The following WDPCP variants were observed in gnomAD, a reference collection of about 807,000 sequenced individuals.
WDPCP encodes WD repeat-containing and planar cell polarity effector protein fritz homolog.
Under a neutral mutation model 93.1 loss-of-function variants are expected in WDPCP, and 71 were observed. The ratio of observed to expected loss-of-function variants is 0.76; its 90% confidence interval spans 0.63 to 0.93. The LOEUF (loss-of-function observed/expected upper bound fraction) is 0.93, where lower values mean the gene tolerates loss of function less well. WDPCP is among the 40% of genes least tolerant of loss of function. The probability of loss-of-function intolerance (pLI) is 0.00; values close to 1 mark genes in which losing one functional copy is unlikely to be tolerated. For synonymous variants in WDPCP, 315 were observed against 315.0 expected, an observed-to-expected ratio of 1.00 and a Z score of 0.00; for missense variants, 844 against 887.4, an observed-to-expected ratio of 0.95 and a Z score of 0.62.
intron 14 of WDPCP, among the ~76,000 whole-genome samples, chr2:63,175,553 T>C (rs777449188): frequency 6.6e-6 from 1 of 152,204 alleles, no homozygotes; most frequent in Non-Finnish European, 1.5e-5. Context: ...AACTTTTTTG[T>C]CTTGCAAAAC....
In WDPCP at chr2:63,484,595, T is replaced by C; in HGVS notation, c.384+9A>G. 6.2e-7 allele frequency: 1 copy of C among 1,612,716 alleles called. No individual in the cohort carries two copies. The highest frequency in any genetic ancestry group is 8.5e-7 in the Non-Finnish European group (1 of 1,179,106). On this transcript the variant is annotated intron_variant, in intron 6 of 17. Transcript: ENST00000272321. ...TTAAACACTGCAAAGGCTTGTCAAATCATTTTACCTGACAGACATATTTGT... is the reference window on the plus strand; with the variant it reads ...TTAAACACTGCAAAGGCTTGTCAAACCATTTTACCTGACAGACATATTTGT...
chr2:63,799,630 G>A (rs527463444), intron 2 of WDPCP, among the ~76,000 whole-genome samples: 1 of 152,202 alleles, frequency 6.6e-6, no homozygotes, highest in East Asian at 1.9e-4. Flanking sequence ...AAATATTTTA[G>A]GTCTCATGGG....
chr2:63,263,078 G>A (rs980875406), intron 13 of WDPCP, among the ~76,000 whole-genome samples: 1 of 152,118 alleles, frequency 6.6e-6, no homozygotes, highest in Non-Finnish European at 1.5e-5. Flanking sequence ...ATGCATTCAA[G>A]AGTATATCTC....
At chr2:63,392,336 T>G (rs1298390830) in intron 10 of WDPCP, among the ~76,000 whole-genome samples, 1 of 152,140 alleles carries the variant, frequency 6.6e-6, no homozygotes, top group South Asian at 2.1e-4. Flanking sequence ...TAGCCATAGG[T>G]AGAAAACTGA....
At position 63,825,997 on chromosome 2, in the gene WDPCP, T is replaced by A. The variant is rs4267496; in HGVS notation, n.222+1625A>T. ...GTTACAGTCCTGCATTATCTTTTTT[T>A]AAAAAAATTAAAACACATCAACAAA... On this transcript the variant is annotated intron_variant and non_coding_transcript_variant, in intron 1 of 4. Coordinates refer to the WDPCP transcript ENST00000467687. 7.0e-3 allele frequency among the ~76,000 whole-genome samples: 1,066 copies of A among 152,182 alleles called. 43 individuals are homozygous for A. The East Asian group carries it at 0.11, about 16-fold the overall frequency.
chr2:63,135,363 G>A (rs1309263979), intron 17 of WDPCP, among the ~76,000 whole-genome samples: 1 of 152,182 alleles, frequency 6.6e-6, no homozygotes, highest in Non-Finnish European at 1.5e-5. Flanking sequence ...ATGCAGTCTT[G>A]CTCTATTGTC....
At chr2:63,485,387 G>A (rs1575507228) in intron 4 of WDPCP, among the ~76,000 whole-genome samples, 1 of 144,782 alleles carries the variant, frequency 6.9e-6, no homozygotes, top group Non-Finnish European at 1.5e-5. Context: ...ATTATCATGA[G>A]TAAATGAATA....
At chr2:63,438,016 G>T (rs1369500024) in intron 7 of WDPCP, 1 of 1,284,362 alleles carries the variant, frequency 7.8e-7, no homozygotes, top group Non-Finnish European at 9.9e-7. Context: ...TTTCATCAGT[G>T]AATCTTCTTT....
Position 63,451,807 on chromosome 2 carries a change from C to A in WDPCP, c.385-11936G>T, listed in dbSNP as rs570733179. Among the ~76,000 whole-genome samples, 4 of 152,116 alleles carry A rather than the reference C, an allele frequency of 2.6e-5. No individual in the cohort carries two copies. In the East Asian group the frequency reaches 7.7e-4, roughly 29 times the overall value. On this transcript the variant is annotated intron_variant, in intron 6 of 17. Coordinates refer to ENST00000272321, the MANE Select transcript of WDPCP (RefSeq NM_015910.7). ...GGTTCAACATATGCAAATCAATAAACGTAATCCAGCATATAAACAGAACCA... is the reference window on the plus strand; with the variant it reads ...GGTTCAACATATGCAAATCAATAAAAGTAATCCAGCATATAAACAGAACCA...
At chr2:63,307,772 C>A (rs888508363) in intron 13 of WDPCP, among the ~76,000 whole-genome samples, 3 of 152,142 alleles carry the variant, frequency 2.0e-5, no homozygotes, top group Non-Finnish European at 4.4e-5. Flanking sequence ...CATAAAAACC[C>A]TAGAAGAAAA....
At position 63,120,979 on chromosome 2, in the gene WDPCP, C is replaced by G. The variant is rs1442354178; in HGVS notation, c.*1027G>C. Among the ~76,000 whole-genome samples, 4 of 152,234 alleles carry G rather than the reference C, an allele frequency of 2.6e-5. No homozygotes were observed. In the South Asian group the frequency reaches 8.3e-4, roughly 32 times the overall value. On this transcript the variant is annotated 3_prime_UTR_variant, in exon 18 of 18. Transcript: ENST00000272321. ...GGATGCTGTTAGAAGACATGAGACT[C>G]CTGAGTCAGAGACAAATGATAGTAA... is the stretch of plus-strand genomic sequence containing the variant.
intron 1 of WDPCP, among the ~76,000 whole-genome samples, chr2:63,561,575 A>C (rs1172862715): frequency 6.6e-6 from 1 of 152,182 alleles, no homozygotes; most frequent in African/African-American, 2.4e-5. Context: ...AAAAGAAACT[A>C]TCATCAGAGT....
At chr2:63,525,567 G>A (rs1235398127) in intron 1 of WDPCP, among the ~76,000 whole-genome samples, 1 of 152,022 alleles carries the variant, frequency 6.6e-6, no homozygotes, top group African/African-American at 2.4e-5. Flanking sequence ...TCCATTGTCT[G>A]CTCATCTTGG....
chr2:63,434,074 G>A, intron 8 of WDPCP, 138 bp from the exon 9 acceptor site: 3 of 852,112 alleles, frequency 3.5e-6, no homozygotes, highest in Non-Finnish European at 5.4e-6. Context: ...GTAAGAAGGT[G>A]TCAGAATTTA....
chr2:63,819,880 A>G (rs909942424), intron 1 of WDPCP, among the ~76,000 whole-genome samples: 1 of 152,130 alleles, frequency 6.6e-6, no homozygotes, highest in Non-Finnish European at 1.5e-5. Flanking sequence ...TTCCTGAGCT[A>G]CAGACTTCAT....
At chr2:63,311,242 A>G (rs1308084613) in intron 13 of WDPCP, among the ~76,000 whole-genome samples, 2 of 152,242 alleles carry the variant, frequency 1.3e-5, no homozygotes, top group African/African-American at 4.8e-5. Context: ...AAAATCATGT[A>G]TAAATAGGAA....
chr2:63,504,324 TTG>T (rs60202196), intron 1 of WDPCP, among the ~76,000 whole-genome samples: 40,692 of 137,740 alleles, frequency 0.3, 6,093 homozygotes, highest in Non-Finnish European at 0.37. Context: ...ACGTACTAAA[TTG>T]TGTGTGTGTG....
chr2:63,453,795 G>A (rs1360743164), intron 6 of WDPCP, among the ~76,000 whole-genome samples: 1 of 151,804 alleles, frequency 6.6e-6, no homozygotes, highest in East Asian at 1.9e-4. Context: ...TCCTTTGTAG[G>A]GACACGGATG....
At chr2:63,220,964 C>G (rs1188288045) in intron 14 of WDPCP, among the ~76,000 whole-genome samples, 1 of 152,134 alleles carries the variant, frequency 6.6e-6, no homozygotes, top group African/African-American at 2.4e-5. Flanking sequence ...ATTTGGTTTT[C>G]TGTTCCTGCA....
Sources: allele counts gnomAD v4.1 joint callset (sites outside exome capture counted in the v4.1 genomes callset), GRCh38; gene constraint gnomAD v4.1.1; transcripts MANE v1.5; gene names NCBI Gene and HGNC (gene_info 2026-07-23, HGNC 2026-07-21).